CACNA1C: variants seen among roughly 807,000 people sequenced by gnomAD.
CACNA1C encodes calcium voltage-gated channel subunit alpha1 C.
Under a neutral mutation model 229.0 loss-of-function variants are expected in CACNA1C, and 30 were observed. The observed-to-expected ratio is 0.13, with a 90% confidence interval of 0.10 to 0.18. CACNA1C has a LOEUF of 0.18. CACNA1C is among the 10% of genes least tolerant of loss of function. The pLI, the probability that CACNA1C is intolerant of heterozygous loss-of-function variation, is 1.00. For missense variants in CACNA1C, 1,658 were observed against 2,845.0 expected (o/e 0.58, Z 9.49); for synonymous variants, 1,114 against 1,132.5 (o/e 0.98, Z 0.33).
intron 3 of CACNA1C, among the ~76,000 whole-genome samples, chr12:2,251,382 C>T (rs998577447): frequency 4.6e-5 from 7 of 152,164 alleles, no homozygotes; most frequent in South Asian, 4.1e-4. Flanking sequence ...ATGGCTGAAG[C>T]GTGTTGAAAT....
At chr12:2,110,923 T>TCCCGAGAGGCCATACCTGTCTCA (rs2081405643) in intron 1 of CACNA1C, among the ~76,000 whole-genome samples, 1 of 64,318 alleles carries the variant, frequency 1.6e-5, no homozygotes, top group Non-Finnish European at 3.6e-5. Context: ...AGGTGGTCAG[T>TCCCGAGAGGCCATACCTGTCTCA]CCCGAGAGGC....
chr12:2,113,470 G>T (rs570506450), intron 1 of CACNA1C, among the ~76,000 whole-genome samples: 39 of 152,248 alleles, frequency 2.6e-4, no homozygotes, highest in African/African-American at 9.1e-4. Context: ...GAGGGAGGGG[G>T]TCAATAAGGT....
intron 3 of CACNA1C, among the ~76,000 whole-genome samples, chr12:2,378,819 T>TTCCTTC (rs745485698): frequency 0.018 from 2,710 of 147,756 alleles, 29 homozygotes; most frequent in African/African-American, 0.025. Context: ...CCTTCCTTCC[T>TTCCTTC]CTCTCTCTTT....
At chr12:2,083,754 A>G (rs2066535464) in intron 1 of CACNA1C, among the ~76,000 whole-genome samples, 1 of 152,222 alleles carries the variant, frequency 6.6e-6, no homozygotes, top group Non-Finnish European at 1.5e-5. Context: ...GCCAAGAACC[A>G]CAAGAGCTGT....
rs574563107 is a variant in CACNA1C, at chr12:1,979,072, C to T, written c.139+7871C>T. Reference sequence around the variant, plus strand: ...TCACCCAGGCTGGAGTGCAATGGCGCGATCTTGGCTCACTGCTGCAACCTC... The same window carrying T: ...TCACCCAGGCTGGAGTGCAATGGCGTGATCTTGGCTCACTGCTGCAACCTC... On this transcript the variant is annotated intron_variant, in intron 1 of 46. Transcript: ENST00000682462. 4.6e-5 allele frequency among the ~76,000 whole-genome samples: 7 copies of T among 152,236 alleles called. No individual in the cohort carries two copies. The East Asian group carries it at 9.6e-4, about 21-fold the overall frequency.
chr12:2,287,723 G>A lies in CACNA1C; in HGVS notation c.478-161253G>A, dbSNP rs2092913712. 6.6e-6 allele frequency among the ~76,000 whole-genome samples: 1 copy of A among 152,206 alleles called. No homozygotes were observed. Among genetic ancestry groups the A allele is most frequent in the African/African-American group, 2.4e-5 (1 of 41,448 alleles). On this transcript the variant is annotated intron_variant, in intron 3 of 46. Transcript: ENST00000399655. The surrounding 1 kb of genome is among the most constrained non-coding windows in gnomAD (Gnocchi z 4.6). ...GAGTGGGCACCAGAATCACCTGGAG[G>A]ATTTGTGTAAACACAGATTCCTGGG... is the stretch of plus-strand genomic sequence containing the variant.
At chr12:2,465,975 A>G (rs1258836871) in intron 5 of CACNA1C, among the ~76,000 whole-genome samples, 4 of 152,120 alleles carry the variant, frequency 2.6e-5, no homozygotes, top group South Asian at 2.1e-4. Flanking sequence ...GATACGATGA[A>G]TATTGACTTA....
At chr12:1,992,827 T>G (rs1391332556) in intron 1 of CACNA1C, 1 of 346,554 alleles carries the variant, frequency 2.9e-6, no homozygotes, top group African/African-American at 2.1e-5. Flanking sequence ...ACTCCTACAA[T>G]ACAGGCCCTC....
intron 1 of CACNA1C, among the ~76,000 whole-genome samples, chr12:2,103,689 C>G (rs12426843): frequency 0.35 from 53,344 of 152,084 alleles, 10,068 homozygotes; most frequent in Admixed American, 0.46. Context: ...AGGTTTTCTT[C>G]TAGGGTTTTT....
intron 13 of CACNA1C, among the ~76,000 whole-genome samples, chr12:2,570,200 C>T (rs1473551656): frequency 6.6e-6 from 1 of 152,144 alleles, no homozygotes; most frequent in Non-Finnish European, 1.5e-5. Context: ...AAAATCTCTG[C>T]TTTGGGGAAT....
At chr12:2,419,153 G>C (rs907034706) in intron 3 of CACNA1C, among the ~76,000 whole-genome samples, 1 of 152,146 alleles carries the variant, frequency 6.6e-6, no homozygotes, top group Admixed American at 6.6e-5. Flanking sequence ...AATACCTGAG[G>C]CTGGGTAATT....
intron 1 of CACNA1C, among the ~76,000 whole-genome samples, chr12:2,097,425 T>C (rs551520326): frequency 7.1e-4 from 108 of 152,270 alleles, no homozygotes; most frequent in South Asian, 1.9e-3. Context: ...GGATTACAGA[T>C]GTGAGCCACC....
intron 3 of CACNA1C, among the ~76,000 whole-genome samples, chr12:2,326,936 G>A (rs2096327479): frequency 6.6e-6 from 1 of 152,196 alleles, no homozygotes; most frequent in Non-Finnish European, 1.5e-5. Context: ...TCCTGATTTG[G>A]TGAACATTCT....
At position 2,348,466 on chromosome 12, in the gene CACNA1C, G is replaced by A. The variant is rs1227770247; in HGVS notation, c.478-100510G>A. ...ACCCCCTTTCCCGTTGGCGTGTATG[G>A]TGTCTTCTCGCTGAGCCACAGCACC... On this transcript the variant is annotated intron_variant, in intron 3 of 46. Transcript: ENST00000399655. The surrounding 1 kb of genome is among the most constrained non-coding windows in gnomAD (Gnocchi z 4.7). Among the ~76,000 whole-genome samples the A allele has an allele frequency of 6.6e-6, 1 of 152,220 alleles. No homozygotes were observed. The highest frequency in any genetic ancestry group is 6.5e-5 in the Admixed American group (1 of 15,284).
intron 1 of CACNA1C, among the ~76,000 whole-genome samples, chr12:2,090,045 A>ATGAAAAATT (rs1415666901): frequency 6.6e-6 from 1 of 152,146 alleles, no homozygotes; most frequent in East Asian, 1.9e-4. Flanking sequence ...AAAAAAAGAA[A>ATGAAAAATT]TGAAAAATTG....
intron 3 of CACNA1C, among the ~76,000 whole-genome samples, chr12:2,431,396 C>A (rs1166898600): frequency 6.6e-6 from 1 of 152,180 alleles, no homozygotes; most frequent in Non-Finnish European, 1.5e-5. Flanking sequence ...AATGATGAAA[C>A]TAAAATTAGA....
chr12:2,070,912 C>T (rs1370599232), intron 1 of CACNA1C, among the ~76,000 whole-genome samples: 1 of 146,540 alleles, frequency 6.8e-6, no homozygotes, highest in Non-Finnish European at 1.5e-5. Context: ...TTTCTCTCTC[C>T]TTCCTTCCTC....
intron 4 of CACNA1C, among the ~76,000 whole-genome samples, chr12:2,456,903 C>T (rs1033552036): frequency 1.3e-5 from 2 of 152,218 alleles, no homozygotes; most frequent in South Asian, 2.1e-4. Flanking sequence ...GAACAGTGCC[C>T]GGCACACCGC....
intron 3 of CACNA1C, among the ~76,000 whole-genome samples, chr12:2,141,639 G>A (rs568894079): frequency 2.6e-5 from 4 of 151,524 alleles, no homozygotes; most frequent in African/African-American, 7.2e-5. Flanking sequence ...GAGCACTCAG[G>A]CTCCTCGCTG....
Sources: allele counts gnomAD v4.1 joint callset (sites outside exome capture counted in the v4.1 genomes callset), GRCh38; gene constraint gnomAD v4.1.1; non-coding constraint Gnocchi (gnomAD v3.1); transcripts MANE v1.5; gene names NCBI Gene and HGNC (gene_info 2026-07-23, HGNC 2026-07-21).